ABAT: variants seen among roughly 807,000 people sequenced by gnomAD.
The protein encoded by ABAT is 4-aminobutyrate aminotransferase, mitochondrial.
Under a neutral mutation model 64.6 loss-of-function variants are expected in ABAT, and 45 were observed. The observed-to-expected ratio is 0.70, with a 90% CI of 0.55 to 0.89. The LOEUF (loss-of-function observed/expected upper bound fraction) is 0.89. ABAT is among the 40% of genes least tolerant of loss of function. The pLI, the probability that ABAT is intolerant of heterozygous loss-of-function variation, is 0.00. For missense variants in ABAT, 633 were observed against 658.4 expected, an observed-to-expected ratio of 0.96 and a Z score of 0.42; for synonymous variants, 297 against 250.5, an observed-to-expected ratio of 1.19 and a Z score of -1.75.
At chr16:8,693,986 C>T (rs2057643386) in intron 1 of ABAT, among the ~76,000 whole-genome samples, 1 of 152,038 alleles carries the variant, frequency 6.6e-6, no homozygotes, top group Non-Finnish European at 1.5e-5. Context: ...GACATTGATA[C>T]AGTCCATCCA....
chr16:8,733,337 C>T (rs965831967), intron 1 of ABAT, among the ~76,000 whole-genome samples: 1 of 151,332 alleles, frequency 6.6e-6, no homozygotes, highest in African/African-American at 2.5e-5. Context: ...AGACGCTCCT[C>T]ACTTTCCAGA....
chr16:8,690,862 G>A (rs2057562933), intron 1 of ABAT, among the ~76,000 whole-genome samples: 1 of 152,202 alleles, frequency 6.6e-6, no homozygotes, highest in African/African-American at 2.4e-5. Context: ...TAGCGGACAG[G>A]ATTGATGTTG....
chr16:8,712,488 A>T (rs570226823), intron 1 of ABAT, among the ~76,000 whole-genome samples: 1 of 152,186 alleles, frequency 6.6e-6, no homozygotes, highest in Non-Finnish European at 1.5e-5. Context: ...AATCATGGGA[A>T]ATGGTCTAGG....
chr16:8,723,222 G>T (rs2058426010), intron 1 of ABAT, among the ~76,000 whole-genome samples: 1 of 152,184 alleles, frequency 6.6e-6, no homozygotes, highest in Non-Finnish European at 1.5e-5. Context: ...GACAGAGTAA[G>T]ATCGTGTCTC....
chr16:8,728,429 G>C (rs2058621157), intron 1 of ABAT, among the ~76,000 whole-genome samples: 1 of 152,188 alleles, frequency 6.6e-6, no homozygotes, highest in South Asian at 2.1e-4. Flanking sequence ...AAATTGAATT[G>C]TGTGACGCCT....
intron 9 of ABAT, among the ~76,000 whole-genome samples, chr16:8,767,736 C>T (rs1369405062): frequency 6.6e-6 from 1 of 152,122 alleles, no homozygotes; most frequent in Admixed American, 6.5e-5. Context: ...GGTGCAGTGG[C>T]GCGAACTCGG....
chr16:8,703,216 G>A (rs985000908), intron 1 of ABAT, among the ~76,000 whole-genome samples: 3 of 152,262 alleles, frequency 2.0e-5, no homozygotes, highest in African/African-American at 7.2e-5. Flanking sequence ...GGAGGCTGAG[G>A]TGGGTGGATC....
chr16:8,755,756 C>CAAAA (rs34651404), intron 5 of ABAT, among the ~76,000 whole-genome samples: 2 of 151,206 alleles, frequency 1.3e-5, no homozygotes, highest in African/African-American at 2.4e-5. Context: ...ACTAAAAATA[C>CAAAA]AAAAAAATTG....
rs191298304 is a variant in ABAT, at chr16:8,704,810, T to G, written c.-42+30099T>G. On this transcript the variant is annotated intron_variant, in intron 1 of 15. Coordinates refer to ENST00000268251, the MANE Select transcript of ABAT (RefSeq NM_020686.6). ...GAGCAATCCTCTACCATTGGTCATT[T>G]ACATTGTTTTCAACTGAGCACGCTT... Among the ~76,000 whole-genome samples, 3 of 152,320 alleles carry G rather than the reference T, an allele frequency of 2.0e-5. No individual in the cohort carries two copies. The East Asian group carries it at 5.8e-4, about 29-fold the overall frequency.
At chr16:8,683,936 G>C (rs2057392419) in intron 1 of ABAT, among the ~76,000 whole-genome samples, 1 of 144,220 alleles carries the variant, frequency 6.9e-6, no homozygotes. Context: ...GTGTGTGCGT[G>C]TCTATGTGTC....
At chr16:8,709,263 A>C (rs939093697) in intron 1 of ABAT, among the ~76,000 whole-genome samples, 1 of 151,518 alleles carries the variant, frequency 6.6e-6, no homozygotes, top group Admixed American at 6.6e-5. Flanking sequence ...GCCTTTTTCC[A>C]TGTGTTCCAA....
chr16:8,724,746 CAAAAAAAAAAAAAAAAA>C lies in ABAT; in HGVS notation c.-41-10946_-41-10930del, dbSNP rs869130725. ...CTTGTCTCAGGAAAAAAAAAAAAAA[CAAAAAAAAAAAAAAAAA>C]AAAAAACAATGGCAATCTTGGGGTC... On this transcript the variant is annotated intron_variant, in intron 1 of 15. Transcript: ENST00000268251. Among the ~76,000 whole-genome samples the C allele has an allele frequency of 1.2e-3, 8 of 6,594 alleles. No homozygotes were observed. In the South Asian group the frequency reaches 0.025, roughly 20 times the overall value. 4.3% of individuals were successfully genotyped at this position (6,594 alleles called of 152,430 possible). A position where few individuals can be genotyped will look rare whatever the true frequency, so the allele number is the denominator to read the frequency against.
At chr16:8,733,636 C>T (rs2058824470) in intron 1 of ABAT, among the ~76,000 whole-genome samples, 1 of 151,874 alleles carries the variant, frequency 6.6e-6, no homozygotes, top group African/African-American at 2.4e-5. Context: ...TGGAGACCGG[C>T]CTGGCCAACA....
intron 5 of ABAT, among the ~76,000 whole-genome samples, chr16:8,753,815 G>A (rs10852271): frequency 0.93 from 140,623 of 152,016 alleles, 65,822 homozygotes; most frequent in East Asian, 1. Flanking sequence ...TGTCTCATCC[G>A]TCTTCTCGAC....
At chr16:8,748,781 C>T (rs1038258648) in intron 4 of ABAT, among the ~76,000 whole-genome samples, 5 of 152,068 alleles carry the variant, frequency 3.3e-5, no homozygotes, top group Middle Eastern at 3.2e-3. Flanking sequence ...CTCTCTTTCT[C>T]TCTAGTAATA....
rs8049072 is a variant in ABAT, at chr16:8,768,355, C to T, written c.667+99C>T. 1,077,686 of 1,236,242 alleles carry T rather than the reference C, an allele frequency of 0.87. 470,193 individuals are homozygous for T. The highest frequency in any genetic ancestry group is 0.91 in the Admixed American group (51,828 of 56,932). 76.6% of individuals were successfully genotyped at this position (1,236,242 alleles called of 1,614,324 possible). A position where few individuals can be genotyped will look rare whatever the true frequency, so the allele number is the denominator to read the frequency against. On this transcript the variant is annotated intron_variant, in intron 10 of 15. Coordinates refer to ENST00000268251, the MANE Select transcript of ABAT (RefSeq NM_020686.6). ...ACATTAGCAGTTTACACATATTGTC[C>T]CACTGATTGCACACAATCCCACTGC...
In ABAT at chr16:8,762,317, C is replaced by T. The variant is rs79812937; in HGVS notation, c.367-1752C>T. ...AGTAAGACACCTGCCATCCTATGAC[C>T]TCTGGGTCTTTCCCTCTGCATAACT... On this transcript the variant is annotated intron_variant, in intron 6 of 15. Transcript: ENST00000268251. Among the ~76,000 whole-genome samples the T allele has an allele frequency of 3.3e-3, 504 of 152,304 alleles. 5 individuals carry two copies. In the East Asian group the frequency reaches 0.036, roughly 11 times the overall value.
intron 1 of ABAT, among the ~76,000 whole-genome samples, chr16:8,679,603 A>G (rs1411350638): frequency 2.0e-5 from 3 of 152,006 alleles, no homozygotes; most frequent in African/African-American, 7.2e-5. Context: ...ATTACATAAA[A>G]CCATGTGTTC....
rs755002074 is a variant in ABAT, at chr16:8,766,286, C to T, written c.603+16C>T. 1.2e-6 allele frequency: 2 copies of T among 1,612,366 alleles called. No homozygotes were observed. The highest frequency in any genetic ancestry group is 1.3e-5 in the African/African-American group (1 of 75,018). ...GATTAACCAGGTGAGTGCAGCTGGGCTTGCACCACGTACATCTGGGGAAGC... is the reference window on the plus strand; with the variant it reads ...GATTAACCAGGTGAGTGCAGCTGGGTTTGCACCACGTACATCTGGGGAAGC... On this transcript the variant is annotated intron_variant, in intron 9 of 15. Coordinates refer to ENST00000268251, the MANE Select transcript of ABAT (RefSeq NM_020686.6).
Sources: gnomAD v4.1 joint callset for allele counts (sites outside exome capture counted in the v4.1 genomes callset) on GRCh38, gnomAD v4.1.1 for gene constraint, MANE v1.5 for transcripts, NCBI Gene and HGNC (gene_info 2026-07-23, HGNC 2026-07-21) for gene names.